The following MB21D2 variants were observed in gnomAD, a reference collection of about 807,000 sequenced individuals.
The protein encoded by MB21D2 is Mab-21 domain containing 2.
In MB21D2, 9 loss-of-function variants were observed where a neutral mutation model predicts 33.3. The observed-to-expected ratio is 0.27, with a 90% CI of 0.16 to 0.47. The LOEUF (loss-of-function observed/expected upper bound fraction) is 0.47. Ranked by LOEUF, MB21D2 falls within the 20% of genes least tolerant of loss-of-function variation. MB21D2 has a pLI of 0.99. For synonymous variants in MB21D2, 241 were observed against 236.3 expected, an observed-to-expected ratio of 1.02 and a Z score of -0.18; for missense variants, 540 against 624.6, an observed-to-expected ratio of 0.86 and a Z score of 1.44.
chr3:192,855,906 C>G (rs1390283584), intron 1 of MB21D2, among the ~76,000 whole-genome samples: 1 of 152,170 alleles, frequency 6.6e-6, no homozygotes, highest in Non-Finnish European at 1.5e-5. Flanking sequence ...AAGCCCATCT[C>G]TATTAAAAAT....
chr3:192,799,658 TAAA>T lies in MB21D2; in HGVS notation c.212-11_212-9del. On this transcript the variant is annotated splice_polypyrimidine_tract_variant and intron_variant, in intron 1 of 1. Transcript: ENST00000392452. The surrounding 1 kb of genome is among the most constrained non-coding windows in gnomAD (Gnocchi z 4.1). ...CCAGCTTTTGCACCATTCCTGGAAATAAAGAAGAAAAAAACAACACTATTACAG... is the reference window on the plus strand; with the variant it reads ...CCAGCTTTTGCACCATTCCTGGAAATGAAGAAAAAAACAACACTATTACAG... 3 of 1,601,762 alleles carry T rather than the reference TAAA, an allele frequency of 1.9e-6. No individual in the cohort carries two copies. Among genetic ancestry groups the T allele is most frequent in the Middle Eastern group, 1.7e-4 (1 of 5,960 alleles).
chr3:192,818,011 A>C (rs2108615049), intron 1 of MB21D2, among the ~76,000 whole-genome samples: 1 of 150,778 alleles, frequency 6.6e-6, no homozygotes, highest in Non-Finnish European at 1.5e-5. Flanking sequence ...CCAGTCCCCA[A>C]GCCTCTACTT....
At chr3:192,813,462 G>C (rs1379503536) in intron 1 of MB21D2, among the ~76,000 whole-genome samples, 1 of 152,002 alleles carries the variant, frequency 6.6e-6, no homozygotes, top group Non-Finnish European at 1.5e-5. Context: ...AAGACTTCAG[G>C]AGCTCAGAAG....
At chr3:192,828,629 T>TCC (rs1560232843) in intron 1 of MB21D2, among the ~76,000 whole-genome samples, 4 of 39,612 alleles carry the variant, frequency 1.0e-4, no homozygotes, top group East Asian at 7.5e-4. Context: ...TATATATATA[T>TCC]ATATATATAT....
chr3:192,878,501 G>A (rs537268631), intron 1 of MB21D2, among the ~76,000 whole-genome samples: 1 of 152,290 alleles, frequency 6.6e-6, no homozygotes, highest in East Asian at 1.9e-4. Context: ...GGTCTAGTTT[G>A]CCCTTTCATG....
intron 1 of MB21D2, among the ~76,000 whole-genome samples, chr3:192,882,239 C>T (rs111855585): frequency 2.6e-5 from 4 of 152,072 alleles, no homozygotes; most frequent in Admixed American, 6.5e-5. Context: ...GATTCTCCTG[C>T]TAATTTTGTA....
chr3:192,840,664 A>G (rs562322146), intron 1 of MB21D2, among the ~76,000 whole-genome samples: 1 of 152,196 alleles, frequency 6.6e-6, no homozygotes, highest in South Asian at 2.1e-4. Context: ...TTAATGAGAA[A>G]AAAACTGCTA....
At chr3:192,807,262 T>G (rs1047966551) in intron 1 of MB21D2, among the ~76,000 whole-genome samples, 1 of 149,524 alleles carries the variant, frequency 6.7e-6, no homozygotes, top group Non-Finnish European at 1.5e-5. Flanking sequence ...AAAGTCACAA[T>G]AGGGTACAAA....
chr3:192,853,645 TTTG>T (rs1712853627), intron 1 of MB21D2, among the ~76,000 whole-genome samples: 1 of 151,594 alleles, frequency 6.6e-6, no homozygotes. Context: ...TTTTTGGTGT[TTTG>T]TTTTTTTTTT....
chr3:192,904,119 C>G (rs1314782127), intron 1 of MB21D2, among the ~76,000 whole-genome samples: 2 of 152,194 alleles, frequency 1.3e-5, no homozygotes, highest in Non-Finnish European at 2.9e-5. Context: ...ATTAAAACCA[C>G]ACCTGGAACA....
At chr3:192,826,287 G>A (rs1187663395) in intron 1 of MB21D2, among the ~76,000 whole-genome samples, 1 of 152,202 alleles carries the variant, frequency 6.6e-6, no homozygotes, top group African/African-American at 2.4e-5. Context: ...ATGGTACACA[G>A]GGCTTGTAGG....
chr3:192,820,083 A>G (rs1712010759), intron 1 of MB21D2, among the ~76,000 whole-genome samples: 1 of 152,150 alleles, frequency 6.6e-6, no homozygotes, highest in South Asian at 2.1e-4. Context: ...AGGACTCTAT[A>G]CATAAATAAG....
At position 192,798,791 on chromosome 3, in the gene MB21D2, A is replaced by G. The variant is rs1208364440; in HGVS notation, c.1071T>C (p.Phe357=). Reference sequence around the variant, plus strand: ...GCAGGTCATCGATGAGGCCCAGCAAAAAGTGGGCTGCATAGTCTTCTTGAG... The same window carrying G: ...GCAGGTCATCGATGAGGCCCAGCAAGAAGTGGGCTGCATAGTCTTCTTGAG... The part of the protein sequence containing the change: ...YLAQEDYAAH[F]LLGLIDDLQH... Residue 357 remains phenylalanine (F), a synonymous_variant, in exon 2 of 2, where the codon TTT becomes TTC. Transcript: ENST00000392452. The surrounding 1 kb of genome is among the most constrained non-coding windows in gnomAD (Gnocchi z 4.8). 3 of 1,612,862 alleles carry G rather than the reference A, an allele frequency of 1.9e-6. No homozygotes were observed. Among genetic ancestry groups the G allele is most frequent in the Non-Finnish European group, 2.5e-6 (3 of 1,179,850 alleles).
intron 1 of MB21D2, among the ~76,000 whole-genome samples, chr3:192,840,494 T>C (rs1347842727): frequency 2.0e-5 from 3 of 148,130 alleles, no homozygotes; most frequent in East Asian, 4.0e-4. Context: ...GAGAGCGTTA[T>C]TGGGAGAGTT....
intron 1 of MB21D2, among the ~76,000 whole-genome samples, chr3:192,803,923 G>C (rs1711603271): frequency 6.6e-6 from 1 of 152,218 alleles, no homozygotes; most frequent in Admixed American, 6.5e-5. Context: ...AGGAAGGATA[G>C]AGGATAGCTA....
At chr3:192,817,420 G>A (rs1711951935) in intron 1 of MB21D2, among the ~76,000 whole-genome samples, 1 of 150,362 alleles carries the variant, frequency 6.7e-6, no homozygotes, top group South Asian at 2.1e-4. Context: ...AGGAGGGAAG[G>A]AGGGAAGGAA....
intron 1 of MB21D2, among the ~76,000 whole-genome samples, chr3:192,886,886 A>G (rs1025622185): frequency 2.0e-5 from 3 of 152,186 alleles, no homozygotes; most frequent in South Asian, 2.1e-4. Context: ...ATTCTCATCC[A>G]TAAGTCCATG....
chr3:192,912,478 TG>T (rs539598796), intron 1 of MB21D2, among the ~76,000 whole-genome samples: 362 of 152,034 alleles, frequency 2.4e-3, no homozygotes, highest in African/African-American at 8.3e-3. Flanking sequence ...AGACCAGCCT[TG>T]GCCAACAACA....
chr3:192,890,776 T>A (rs1480515054), intron 1 of MB21D2, among the ~76,000 whole-genome samples: 1 of 152,028 alleles, frequency 6.6e-6, no homozygotes, highest in African/African-American at 2.4e-5. Flanking sequence ...CATTACGTCA[T>A]AACGATCCTC....
Sources: gnomAD v4.1 joint callset for allele counts (sites outside exome capture counted in the v4.1 genomes callset) on GRCh38, gnomAD v4.1.1 for gene constraint, Gnocchi (gnomAD v3.1) non-coding constraint, MANE v1.5 for transcripts, NCBI Gene and HGNC (gene_info 2026-07-23, HGNC 2026-07-21) for gene names.